Variants in ZFHX3 observed in about 807,000 individuals in gnomAD.
ZFHX3 encodes zinc finger homeobox protein 3.
Under a neutral mutation model 279.1 loss-of-function variants are expected in ZFHX3, and 42 were observed. The ratio of observed to expected loss-of-function variants is 0.15; its 90% CI spans 0.12 to 0.19. The LOEUF is 0.19. Among genes scored for constraint, ZFHX3 ranks in the 10% least tolerant of loss-of-function variants. The pLI is 1.00. For synonymous variants in ZFHX3, 2,293 were observed against 1,957.8 expected (o/e 1.17, Z -4.52); for missense variants, 4,981 against 4,754.0 (o/e 1.05, Z -1.40).
chr16:73,805,608 A>T (rs778221027), intron 1 of ZFHX3, among the ~76,000 whole-genome samples: 1 of 152,242 alleles, frequency 6.6e-6, no homozygotes, highest in Non-Finnish European at 1.5e-5. Flanking sequence ...GGATGGGTGG[A>T]AATCACTTAT....
intron 5 of ZFHX3, among the ~76,000 whole-genome samples, chr16:73,163,186 A>G (rs1305456960): frequency 6.6e-6 from 1 of 152,222 alleles, no homozygotes; most frequent in Non-Finnish European, 1.5e-5. Flanking sequence ...TAAATATACA[A>G]TTGTCCCATG....
intron 6 of ZFHX3, among the ~76,000 whole-genome samples, chr16:73,143,505 T>C (rs1966852875): frequency 6.6e-6 from 1 of 152,198 alleles, no homozygotes; most frequent in African/African-American, 2.4e-5. Flanking sequence ...GTAAATGCTG[T>C]TGTCTTGCAG....
intron 2 of ZFHX3, among the ~76,000 whole-genome samples, chr16:73,651,615 T>A (rs1416315917): frequency 2.2e-5 from 3 of 136,844 alleles, no homozygotes; most frequent in Non-Finnish European, 4.5e-5. Context: ...GGTGGGCAGA[T>A]CACGAGGTCA....
In ZFHX3 at chr16:72,796,002, C is replaced by T. The variant is rs751440593; in HGVS notation, c.6680G>A (p.Arg2227Gln). 1.4e-5 allele frequency: 23 copies of T among 1,613,950 alleles called. No homozygotes were observed. Among genetic ancestry groups the T allele is most frequent in the East Asian group, 6.7e-5 (3 of 44,872 alleles). ...CTTTGGAGGTTCCGGCGAAGGGGGC[C>T]GGGAGTCAATCTTGAGCTCCTCCAG... is the stretch of plus-strand genomic sequence containing the variant. The part of the protein sequence containing the change: ...TSLEELKIDS[R>Q]PPSPEPPKQE... Residue 2227 changes from arginine (R) to glutamine (Q), a missense_variant, in exon 9 of 10, where the codon CGG becomes CAG. Transcript: ENST00000268489.
chr16:72,971,908 C>T (rs948052349), intron 1 of ZFHX3, among the ~76,000 whole-genome samples: 22 of 102,724 alleles, frequency 2.1e-4, no homozygotes, highest in Admixed American at 6.3e-4. Flanking sequence ...TTTTTTGAGA[C>T]GGAGTTTCAC....
intron 8 of ZFHX3, among the ~76,000 whole-genome samples, chr16:73,075,932 C>G (rs1965883338): frequency 6.6e-6 from 1 of 152,128 alleles, no homozygotes; most frequent in African/African-American, 2.4e-5. Flanking sequence ...ACCCGGCCAG[C>G]TTTTCATCAT....
At chr16:73,497,547 G>A (rs2019162556) in intron 2 of ZFHX3, among the ~76,000 whole-genome samples, 1 of 152,170 alleles carries the variant, frequency 6.6e-6, no homozygotes, top group East Asian at 1.9e-4. Flanking sequence ...GCATATGCCT[G>A]TAGTCCCAGC....
intron 1 of ZFHX3, among the ~76,000 whole-genome samples, chr16:73,045,364 CATA>C (rs1427268874): frequency 6.6e-6 from 1 of 152,192 alleles, no homozygotes; most frequent in Non-Finnish European, 1.5e-5. Context: ...CATTTAAAGT[CATA>C]ATGATGAAAA....
intron 4 of ZFHX3, among the ~76,000 whole-genome samples, chr16:72,879,473 T>C (rs1356212144): frequency 1.3e-5 from 2 of 152,210 alleles, no homozygotes; most frequent in Admixed American, 6.5e-5. Flanking sequence ...TCGCCCAGGT[T>C]GAAGTGCAAT....
intron 2 of ZFHX3, among the ~76,000 whole-genome samples, chr16:73,633,708 C>A (rs2142149475): frequency 6.6e-6 from 1 of 152,208 alleles, no homozygotes; most frequent in African/African-American, 2.4e-5. Context: ...GTATCAGGAA[C>A]ATGCACCAAG....
At position 72,958,171 on chromosome 16, in the gene ZFHX3, T is replaced by C. The variant is rs376867242; in HGVS notation, c.1975A>G (p.Met659Val). The C allele has an allele frequency of 4.5e-5, 72 of 1,613,608 alleles. No homozygotes were observed. Among genetic ancestry groups the C allele is most frequent in the Non-Finnish European group, 5.5e-5 (65 of 1,179,654 alleles). ...LGSSRSLGGH[M>V]TMMHSRNSCK... Reference sequence around the variant, plus strand: ...GAGTTACGAGAATGCATCATGGTCATGTGGCCGCCCAGCGAGCGGGAGGAG... The same window carrying C: ...GAGTTACGAGAATGCATCATGGTCACGTGGCCGCCCAGCGAGCGGGAGGAG... Residue 659 changes from methionine to valine, a missense_variant, in exon 2 of 10, where the codon ATG becomes GTG. Physicochemically the swap from Met to Val is conservative, Grantham distance 21. Transcript: ENST00000268489.
chr16:73,572,609 T>C (rs2051753318), intron 2 of ZFHX3, among the ~76,000 whole-genome samples: 1 of 152,194 alleles, frequency 6.6e-6, no homozygotes, highest in Non-Finnish European at 1.5e-5. Context: ...CAGTGTGTCC[T>C]GGGGTCCCCT....
At chr16:73,333,947 T>G (rs1171682431) in intron 3 of ZFHX3, among the ~76,000 whole-genome samples, 1 of 152,112 alleles carries the variant, frequency 6.6e-6, no homozygotes, top group African/African-American at 2.4e-5. Flanking sequence ...GTGGAAGTGT[T>G]GAGCTGGTGC....
Position 72,950,531 on chromosome 16 carries a change from G to A in ZFHX3, c.3154C>T (p.Leu1052=). 1.2e-6 allele frequency: 2 copies of A among 1,614,254 alleles called. No individual in the cohort carries two copies. The highest frequency in any genetic ancestry group is 1.7e-6 in the Non-Finnish European group (2 of 1,180,046). ...ACCGTGTGCAGCCGCAGCTTCTCCA[G>A]GCTGTTGGTGTAGTAGTCACAGGCG... is the stretch of plus-strand genomic sequence containing the variant. ...CNACDYYTNS[L]EKLRLHTVNS... Residue 1052 remains leucine (L), a synonymous_variant, in exon 3 of 10, where the codon CTG becomes TTG. Transcript: ENST00000268489.
chr16:73,136,123 T>C (rs1427412219), intron 6 of ZFHX3, among the ~76,000 whole-genome samples: 2 of 152,230 alleles, frequency 1.3e-5, no homozygotes, highest in African/African-American at 4.8e-5. Context: ...CCTAAAGTGC[T>C]GGGATTACAG....
intron 6 of ZFHX3, among the ~76,000 whole-genome samples, chr16:73,135,265 T>C (rs78648884): frequency 0.028 from 4,299 of 152,292 alleles, 112 homozygotes; most frequent in South Asian, 0.11. Flanking sequence ...TAAAAGATCA[T>C]AAACCCTTGC....
intron 2 of ZFHX3, among the ~76,000 whole-genome samples, chr16:73,471,495 A>AC (rs1216239914): frequency 1.3e-5 from 2 of 151,220 alleles, no homozygotes; most frequent in African/African-American, 2.4e-5. Context: ...TGCAACCTCC[A>AC]CCTCCCAGGT....
intron 8 of ZFHX3, among the ~76,000 whole-genome samples, chr16:73,083,021 TA>T (rs71156139): frequency 0.037 from 4,865 of 131,640 alleles, 247 homozygotes; most frequent in African/African-American, 0.14. Flanking sequence ...CCATCTCTAC[TA>T]AAAAAAAAAA....
Position 72,957,818 on chromosome 16 carries a change from C to A in ZFHX3, c.2328G>T (p.Ala776=), listed in dbSNP as rs576903188. The change falls in exon 2 of 10, where the codon GCG becomes GCT. Residue 776 remains alanine, a synonymous_variant. Coordinates refer to ENST00000268489, the MANE Select transcript of ZFHX3 (RefSeq NM_006885.4). ...FSHTAGAAAA[A]VAAAAAAANI... ...TGGCTGCCGCCGCCGCCGCAGCCACCGCCGCCGCCGCCGCCCCGGCAGTGT... is the reference window on the plus strand; with the variant it reads ...TGGCTGCCGCCGCCGCCGCAGCCACAGCCGCCGCCGCCGCCCCGGCAGTGT... 3.3e-6 allele frequency: 5 copies of A among 1,504,412 alleles called. No individual in the cohort carries two copies. Among genetic ancestry groups the A allele is most frequent in the Non-Finnish European group, 4.6e-6 (5 of 1,087,008 alleles). 93.2% of individuals were successfully genotyped at this position (1,504,412 alleles called of 1,614,324 possible).
Sources: gnomAD v4.1 joint callset for allele counts (sites outside exome capture counted in the v4.1 genomes callset) on GRCh38, gnomAD v4.1.1 for gene constraint, MANE v1.5 for transcripts, NCBI Gene and HGNC (gene_info 2026-07-23, HGNC 2026-07-21) for gene names.